RGL1: variants seen among roughly 807,000 people sequenced by gnomAD.
The protein encoded by RGL1 is ral guanine nucleotide dissociation stimulator like 1, also known as ral guanine nucleotide dissociation stimulator-like 1.
RGL1 carries 24 observed loss-of-function variants against 95.2 expected under a neutral mutation model. The ratio of observed to expected loss-of-function variants is 0.25; its 90% CI spans 0.18 to 0.35. RGL1 has a LOEUF of 0.35. Ranked by LOEUF, RGL1 falls within the 10% of genes least tolerant of loss-of-function variation. The pLI, the probability that RGL1 is intolerant of heterozygous loss-of-function variation, is 1.00. For synonymous variants in RGL1, 329 were observed against 344.9 expected, an observed-to-expected ratio of 0.95 and a Z score of 0.51; for missense variants, 715 against 936.3, an observed-to-expected ratio of 0.76 and a Z score of 3.08.
At chr1:183,861,750 T>G (rs955543456) in intron 3 of RGL1, among the ~76,000 whole-genome samples, 3 of 152,208 alleles carry the variant, frequency 2.0e-5, no homozygotes. Flanking sequence ...CTAGGGAGGC[T>G]TTGCAGAAAT....
chr1:183,882,335 T>A (rs1348346255), intron 5 of RGL1, among the ~76,000 whole-genome samples: 1 of 152,186 alleles, frequency 6.6e-6, no homozygotes, highest in Non-Finnish European at 1.5e-5. Flanking sequence ...CATACCCTGC[T>A]CCTTGACTGA....
intron 1 of RGL1, among the ~76,000 whole-genome samples, chr1:183,659,592 G>C (rs1329940088): frequency 6.6e-6 from 1 of 152,184 alleles, no homozygotes; most frequent in East Asian, 1.9e-4. Flanking sequence ...TGGTGTACCT[G>C]AAAGTGACGG....
At chr1:183,887,618 A>G (rs1167398745) in intron 7 of RGL1, among the ~76,000 whole-genome samples, 1 of 152,100 alleles carries the variant, frequency 6.6e-6, no homozygotes. Context: ...TACCTTCCCC[A>G]TGCCAGCCAA....
At chr1:183,752,544 A>AT (rs1411465510) in intron 2 of RGL1, among the ~76,000 whole-genome samples, 2 of 152,224 alleles carry the variant, frequency 1.3e-5, no homozygotes, top group East Asian at 3.9e-4. Flanking sequence ...TAATTTTTTA[A>AT]ATCTAGATGA....
intron 1 of RGL1, among the ~76,000 whole-genome samples, chr1:183,669,772 G>C (rs1572252908): frequency 6.6e-6 from 1 of 152,272 alleles, no homozygotes; most frequent in African/African-American, 2.4e-5. Flanking sequence ...ACATGGCTGG[G>C]GAGGCCTCAC....
chr1:183,683,169 A>G (rs545374569), intron 1 of RGL1, among the ~76,000 whole-genome samples: 14 of 152,240 alleles, frequency 9.2e-5, no homozygotes, highest in African/African-American at 3.4e-4. Context: ...GCCCATTTAC[A>G]TTTACGGTTA....
At chr1:183,647,633 A>G (rs2101989076) in intron 1 of RGL1, 7 of 1,525,708 alleles carry the variant, frequency 4.6e-6, no homozygotes, top group Non-Finnish European at 6.1e-6. Flanking sequence ...TTGCCTATCT[A>G]ATAAGTCCCT....
Position 183,742,419 on chromosome 1 carries a change from A to AT in RGL1, c.132+131dup, listed in dbSNP as rs566557856. On this transcript the variant is annotated intron_variant, in intron 2 of 18. Transcript: ENST00000304685. ...TTATTCAGGGGCTGTAGGCACAGCC[A>AT]TGACTGGAGAACAAGTAAGTCAGGA... is the stretch of plus-strand genomic sequence containing the variant. 156 of 985,048 alleles carry AT rather than the reference A, an allele frequency of 1.6e-4. 1 individual carries two copies. In the East Asian group the frequency reaches 3.7e-3, roughly 24 times the overall value. 61.0% of individuals were successfully genotyped at this position (985,048 alleles called of 1,614,324 possible).
chr1:183,693,600 A>C, intron 1 of RGL1, among the ~76,000 whole-genome samples: 1 of 149,236 alleles, frequency 6.7e-6, no homozygotes, highest in African/African-American at 2.5e-5. Flanking sequence ...TTTTGGTCAC[A>C]AGTGCCTACT....
intron 8 of RGL1, 42 bp from the exon 9 acceptor site, chr1:183,892,035 C>G: frequency 6.6e-7 from 1 of 1,511,104 alleles, no homozygotes; most frequent in South Asian, 1.1e-5. Context: ...CGGGTTATTC[C>G]TAACTCTTCA....
At chr1:183,752,674 T>TTCTCTCTCTCTGTC (rs1658087471) in intron 2 of RGL1, among the ~76,000 whole-genome samples, 1 of 31,316 alleles carries the variant, frequency 3.2e-5, no homozygotes, top group African/African-American at 1.5e-4. Context: ...CTTTCTCTCT[T>TTCTCTCTCTCTGTC]TCTCTCTCTC....
chr1:183,898,795 G>A (rs1054282466), intron 10 of RGL1, among the ~76,000 whole-genome samples: 1 of 152,210 alleles, frequency 6.6e-6, no homozygotes, highest in Non-Finnish European at 1.5e-5. Context: ...CTGACAGTGA[G>A]TTCCTGAAGG....
chr1:183,798,787 A>G (rs981688747), intron 2 of RGL1, among the ~76,000 whole-genome samples: 11 of 150,820 alleles, frequency 7.3e-5, no homozygotes, highest in African/African-American at 2.2e-4. Flanking sequence ...TCCACATGTG[A>G]GACCATACAG....
At chr1:183,905,147 A>G (rs1427724320) in intron 13 of RGL1, among the ~76,000 whole-genome samples, 176 bp downstream of exon 13, 1 of 152,218 alleles carries the variant, frequency 6.6e-6, no homozygotes, top group Non-Finnish European at 1.5e-5. Flanking sequence ...TGATAGCATC[A>G]AGATGTACTT....
At chr1:183,679,127 A>G (rs1653026787) in intron 1 of RGL1, among the ~76,000 whole-genome samples, 1 of 152,224 alleles carries the variant, frequency 6.6e-6, no homozygotes, top group Non-Finnish European at 1.5e-5. Context: ...GCTTCAGCAG[A>G]GCCTAAAACT....
chr1:183,743,058 C>T (rs1342576853), intron 2 of RGL1, among the ~76,000 whole-genome samples: 2 of 152,102 alleles, frequency 1.3e-5, no homozygotes, highest in African/African-American at 4.8e-5. Context: ...TCTGTCCAGG[C>T]TAGAGTGCAG....
intron 1 of RGL1, chr1:183,646,999 A>G (rs1650337152): frequency 6.6e-6 from 1 of 152,250 alleles, no homozygotes; most frequent in Non-Finnish European, 1.5e-5. Flanking sequence ...GATTTTATAC[A>G]GTATGTGATG....
intron 2 of RGL1, among the ~76,000 whole-genome samples, chr1:183,783,371 G>C (rs115028671): frequency 0.013 from 2,034 of 152,150 alleles, 44 homozygotes; most frequent in African/African-American, 0.047. Flanking sequence ...GTTTTGCATT[G>C]AAAGTATAGC....
chr1:183,783,798 TG>T (rs1405039720), intron 2 of RGL1, among the ~76,000 whole-genome samples: 2 of 151,346 alleles, frequency 1.3e-5, no homozygotes, highest in African/African-American at 4.9e-5. Context: ...CCAGTTGGAG[TG>T]GGGAGGAGAT....
Sources: allele counts gnomAD v4.1 joint callset (sites outside exome capture counted in the v4.1 genomes callset), GRCh38; gene constraint gnomAD v4.1.1; transcripts MANE v1.5; gene names NCBI Gene and HGNC (gene_info 2026-07-23, HGNC 2026-07-21).